TCF4: variants seen among roughly 807,000 people sequenced by gnomAD.
The protein encoded by TCF4 is SL3-3 enhancer factor 2.
Under a neutral mutation model 82.1 loss-of-function variants are expected in TCF4, and 3 were observed. The observed-to-expected ratio is 0.04, with a 90% CI of 0.02 to 0.09. The LOEUF is 0.09. TCF4 is among the 10% of genes least tolerant of loss of function. The pLI is 1.00. For missense variants in TCF4, 518 were observed against 852.7 expected (o/e 0.61, Z 4.89); for synonymous variants, 276 against 309.6 (o/e 0.89, Z 1.14).
chr18:55,345,123 T>C (rs886531738), intron 8 of TCF4, among the ~76,000 whole-genome samples: 1 of 152,114 alleles, frequency 6.6e-6, no homozygotes, highest in African/African-American at 2.4e-5. Flanking sequence ...AGTATGTATG[T>C]TGAGTATGTG....
At chr18:55,258,510 A>G (rs1489315393) in intron 13 of TCF4, among the ~76,000 whole-genome samples, 1 of 152,068 alleles carries the variant, frequency 6.6e-6, no homozygotes, top group Non-Finnish European at 1.5e-5. Context: ...TGAGCACCAG[A>G]TTTTTGTCCA....
intron 17 of TCF4, chr18:55,231,198 GTC>G (rs2144539326): frequency 6.6e-6 from 1 of 152,284 alleles, no homozygotes; most frequent in Admixed American, 6.5e-5. Flanking sequence ...AATGAAAACA[GTC>G]TCTGCCAGGC....
Position 55,616,028 on chromosome 18 carries a change from CAT to C in TCF4, c.286+15268_286+15269del, listed in dbSNP as rs201004659. On this transcript the variant is annotated intron_variant, in intron 2 of 20. Coordinates refer to the TCF4 transcript ENST00000398339. ...CTAATTAAAGAAGTTTTTCAGTGCA[CAT>C]AGAGTATTGTGAACTATAAACTCAA... Among the ~76,000 whole-genome samples, 747 of 152,136 alleles carry C rather than the reference CAT, an allele frequency of 4.9e-3. 2 individuals carry two copies. Among genetic ancestry groups the C allele is most frequent in the Non-Finnish European group, 8.0e-3 (544 of 67,934 alleles).
chr18:55,385,859 G>A (rs2145983078), intron 6 of TCF4, among the ~76,000 whole-genome samples: 1 of 152,304 alleles, frequency 6.6e-6, no homozygotes, highest in South Asian at 2.1e-4. Context: ...CAGGGCCCTA[G>A]AGGCTCCCAG....
chr18:55,483,805 A>G (rs2096477162), intron 3 of TCF4, among the ~76,000 whole-genome samples: 1 of 152,186 alleles, frequency 6.6e-6, no homozygotes, highest in South Asian at 2.1e-4. Flanking sequence ...ATAGCTCAGC[A>G]TTTTTTGGAA....
chr18:55,455,491 T>C (rs892611242), intron 5 of TCF4, among the ~76,000 whole-genome samples: 3 of 147,886 alleles, frequency 2.0e-5, no homozygotes, highest in African/African-American at 5.0e-5. Context: ...CACTTAAGAG[T>C]TGATGTCGAG....
At chr18:55,629,906 G>GA (rs35862987) in intron 2 of TCF4, among the ~76,000 whole-genome samples, 58 of 150,784 alleles carry the variant, frequency 3.8e-4, no homozygotes, top group Non-Finnish European at 6.5e-4. Context: ...GGTCAAAGTG[G>GA]AAAAAAAAAG....
chr18:55,588,134 C>A lies in TCF4; in HGVS notation c.-117G>T. 1.9e-6 allele frequency: 2 copies of A among 1,063,390 alleles called. No individual in the cohort carries two copies. The highest frequency in any genetic ancestry group is 1.1e-6 in the Non-Finnish European group (1 of 886,386). The allele number at this position is 1,063,390 out of a possible 1,614,324, so 65.9% of individuals were successfully genotyped here. ...CCACCGCCGCCGCCTGCTCCTGCGC[C>A]CGCTCCCGCGCCTGCTGCCTCCCCG... is the stretch of plus-strand genomic sequence containing the variant. On this transcript the variant is annotated 5_prime_UTR_variant, in exon 1 of 20. Coordinates refer to ENST00000354452, the MANE Select transcript of TCF4 (RefSeq NM_001083962.2).
chr18:55,620,424 A>G (rs2097716568), intron 2 of TCF4, among the ~76,000 whole-genome samples: 1 of 152,184 alleles, frequency 6.6e-6, no homozygotes. Context: ...GTGGTTATAG[A>G]CACTATTCCT....
intron 8 of TCF4, among the ~76,000 whole-genome samples, chr18:55,297,170 T>TTTTTTTTTTTTTTTTTA (rs1555836667): frequency 2.0e-5 from 2 of 97,982 alleles, no homozygotes; most frequent in African/African-American, 4.3e-5. Flanking sequence ...TTTTTTTTTT[T>TTTTTTTTTTTTTTTTTA]ATCCCTTAGG....
Position 55,427,908 on chromosome 18 carries a change from T to A in TCF4, c.305-24390A>T, listed in dbSNP as rs556653082. On this transcript the variant is annotated intron_variant, in intron 5 of 19. Coordinates refer to ENST00000354452, the MANE Select transcript of TCF4 (RefSeq NM_001083962.2). ...ACTAAATACTTAACTAGGTGTAATT[T>A]ACATGGGATTTTGCATGACCTCTGT... 9.2e-5 allele frequency among the ~76,000 whole-genome samples: 14 copies of A among 152,376 alleles called. No homozygotes were observed. In the South Asian group the frequency reaches 2.9e-3, roughly 32 times the overall value.
At chr18:55,265,424 T>C (rs2145839436) in intron 11 of TCF4, 1 of 152,290 alleles carries the variant, frequency 6.6e-6, no homozygotes, top group South Asian at 2.1e-4. Flanking sequence ...AACGCAAGTA[T>C]ATAGACTACA....
chr18:55,359,329 C>A (rs1014665270), intron 6 of TCF4, among the ~76,000 whole-genome samples: 1 of 152,148 alleles, frequency 6.6e-6, no homozygotes, highest in Non-Finnish European at 1.5e-5. Flanking sequence ...TCTTTCATTT[C>A]AGTCCTCTTC....
At chr18:55,617,474 C>A (rs540699264) in intron 2 of TCF4, among the ~76,000 whole-genome samples, 1 of 152,012 alleles carries the variant, frequency 6.6e-6, no homozygotes, top group South Asian at 2.1e-4. Flanking sequence ...AAAGAAAATG[C>A]CATTGGAATT....
intron 5 of TCF4, among the ~76,000 whole-genome samples, chr18:55,412,465 A>G (rs538837762): frequency 1.3e-5 from 2 of 152,202 alleles, no homozygotes; most frequent in Non-Finnish European, 2.9e-5. Context: ...CTCATTGATC[A>G]GACCCACTGG....
intron 19 of TCF4, 76 bp downstream of exon 19, chr18:55,228,145 A>C (rs1432671536): frequency 1.3e-5 from 20 of 1,583,344 alleles, no homozygotes; most frequent in East Asian, 4.5e-5. Flanking sequence ...AATTTGGGTG[A>C]AATTCACTTT....
At chr18:55,618,608 T>G (rs622577) in intron 2 of TCF4, among the ~76,000 whole-genome samples, 151,417 of 151,658 alleles carry the variant, frequency 1, 75,589 homozygotes, top group Middle Eastern at 1. Flanking sequence ...TTGAGACAGG[T>G]TCTCCCTCTA....
chr18:55,290,806 G>A (rs1041660032), intron 8 of TCF4, among the ~76,000 whole-genome samples: 1 of 152,006 alleles, frequency 6.6e-6, no homozygotes, highest in Admixed American at 6.6e-5. Context: ...CGACATTCAA[G>A]CAAGAATGAA....
chr18:55,481,241 G>GT (rs1394807212), intron 3 of TCF4, among the ~76,000 whole-genome samples: 2 of 152,060 alleles, frequency 1.3e-5, no homozygotes, highest in Non-Finnish European at 2.9e-5. Flanking sequence ...TAACACACTG[G>GT]TAACTCGGAA....
Sources: gnomAD v4.1 joint callset for allele counts (sites outside exome capture counted in the v4.1 genomes callset) on GRCh38, gnomAD v4.1.1 for gene constraint, MANE v1.5 for transcripts, NCBI Gene and HGNC (gene_info 2026-07-23, HGNC 2026-07-21) for gene names.